ANKS1B: variants seen among roughly 807,000 people sequenced by gnomAD.
ANKS1B encodes ankyrin repeat and sterile alpha motif domain containing 1B, also known as ankyrin repeat and sterile alpha motif domain-containing protein 1B.
Under a neutral mutation model 148.3 loss-of-function variants are expected in ANKS1B, and 36 were observed. That is an observed-to-expected ratio of 0.24 (90% CI 0.19 to 0.32). The LOEUF is 0.32. Among genes scored for constraint, ANKS1B ranks in the 10% least tolerant of loss-of-function variants. The pLI is 1.00. For missense variants in ANKS1B, 1,157 were observed against 1,542.6 expected (o/e 0.75, Z 4.19); for synonymous variants, 542 against 560.8 (o/e 0.97, Z 0.47).
At chr12:99,499,692 C>A (rs868328213) in intron 10 of ANKS1B, among the ~76,000 whole-genome samples, 1 of 151,980 alleles carries the variant, frequency 6.6e-6, no homozygotes, top group African/African-American at 2.4e-5. Flanking sequence ...GAGAATAAAA[C>A]CTCCAGACCC....
rs1293043790 is a variant in ANKS1B at position 98,745,837 on chromosome 12, A to G, written c.3760T>C (p.Ser1254Pro). The G allele has an allele frequency of 6.2e-7, 1 of 1,612,918 alleles. No homozygotes were observed. Among genetic ancestry groups the G allele is most frequent in the African/African-American group, 1.3e-5 (1 of 74,804 alleles). ...SIRKSVQIDP[S>P]EQKTLANLPW... is the part of the protein sequence containing the mutation. ...AGATTGGCCAGAGTCTTTTGCTCAGATGGGTCGATCTGCTTTAAAACAGAA... is the reference window on the plus strand; with the variant it reads ...AGATTGGCCAGAGTCTTTTGCTCAGGTGGGTCGATCTGCTTTAAAACAGAA... Residue 1254 changes from serine (S) to proline (P), a missense_variant, in exon 27 of 27, where the codon TCT becomes CCT. Ser to Pro is a moderately conservative substitution (Grantham distance 74, BLOSUM62 -1). Coordinates refer to ENST00000683438, the MANE Select transcript of ANKS1B (RefSeq NM_001352186.2).
At chr12:99,590,258 C>CACACA (rs1567422900) in intron 9 of ANKS1B, among the ~76,000 whole-genome samples, 2,404 of 132,830 alleles carry the variant, frequency 0.018, 34 homozygotes, top group South Asian at 0.081. Flanking sequence ...CCACACCCAC[C>CACACA]CACACACACA....
At chr12:99,337,274 T>C (rs979953815) in intron 12 of ANKS1B, among the ~76,000 whole-genome samples, 3 of 152,060 alleles carry the variant, frequency 2.0e-5, no homozygotes, top group Admixed American at 6.6e-5. Flanking sequence ...TCAATTCTGC[T>C]GTTGAGAGAA....
intron 8 of ANKS1B, among the ~76,000 whole-genome samples, chr12:99,769,898 C>G (rs183238899): frequency 6.6e-6 from 1 of 152,194 alleles, no homozygotes; most frequent in Non-Finnish European, 1.5e-5. Context: ...TTTCTTCAGG[C>G]TGGAATCCTT....
intron 20 of ANKS1B, among the ~76,000 whole-genome samples, chr12:98,802,037 C>G (rs748290425): frequency 1.3e-5 from 2 of 152,204 alleles, no homozygotes; most frequent in Non-Finnish European, 2.9e-5. Flanking sequence ...ATATTTCTTA[C>G]TCTTTCTCCT....
chr12:98,739,931 C>T (rs1322555492), downstream of ANKS1B, among the ~76,000 whole-genome samples: 1 of 152,192 alleles, frequency 6.6e-6, no homozygotes, highest in Non-Finnish European at 1.5e-5. Context: ...TCTACCACCT[C>T]CTTCTCCTTA....
chr12:98,811,148 G>C (rs557902304), intron 19 of ANKS1B, among the ~76,000 whole-genome samples: 12 of 152,336 alleles, frequency 7.9e-5, no homozygotes, highest in African/African-American at 2.9e-4. Context: ...AGGTTCTCCT[G>C]TGTCCCCGTG....
intron 14 of ANKS1B, among the ~76,000 whole-genome samples, chr12:99,237,469 A>G (rs2088232014): frequency 6.6e-6 from 1 of 152,186 alleles, no homozygotes; most frequent in Admixed American, 6.5e-5. Context: ...ATGGCCTTCC[A>G]CTTTGGCTCT....
At chr12:99,870,672 G>A (rs1603412486) in intron 1 of ANKS1B, among the ~76,000 whole-genome samples, 1 of 152,134 alleles carries the variant, frequency 6.6e-6, no homozygotes, top group East Asian at 1.9e-4. Flanking sequence ...CTGATGATTA[G>A]TTATTTGAGC....
intron 17 of ANKS1B, among the ~76,000 whole-genome samples, chr12:98,927,471 C>T (rs569204977): frequency 3.3e-5 from 5 of 151,984 alleles, no homozygotes; most frequent in Non-Finnish European, 7.4e-5. Context: ...CACATTTTTG[C>T]TTGTAACTCT....
intron 12 of ANKS1B, among the ~76,000 whole-genome samples, chr12:99,316,707 C>T (rs1033399215): frequency 6.6e-6 from 1 of 152,116 alleles, no homozygotes; most frequent in Non-Finnish European, 1.5e-5. Flanking sequence ...GCTTTTGTTG[C>T]CATTGCTTTT....
intron 8 of ANKS1B, among the ~76,000 whole-genome samples, chr12:99,735,404 TA>T (rs2059521288): frequency 6.6e-6 from 1 of 151,850 alleles, no homozygotes; most frequent in African/African-American, 2.4e-5. Context: ...TCCAAATAAA[TA>T]AAATCAGAAA....
intron 1 of ANKS1B, among the ~76,000 whole-genome samples, chr12:99,867,623 G>A (rs899112922): frequency 6.6e-6 from 1 of 152,092 alleles, no homozygotes; most frequent in African/African-American, 2.4e-5. Context: ...CAGTATGTGG[G>A]AAACCACCCC....
At chr12:99,334,577 T>A (rs1024085854) in intron 12 of ANKS1B, among the ~76,000 whole-genome samples, 9 of 152,110 alleles carry the variant, frequency 5.9e-5, no homozygotes, top group African/African-American at 2.2e-4. Context: ...CAGTTCCAAA[T>A]GCACACCACC....
intron 12 of ANKS1B, among the ~76,000 whole-genome samples, chr12:99,267,350 ACT>A (rs143547878): frequency 8.0e-4 from 118 of 147,210 alleles, no homozygotes; most frequent in Admixed American, 1.1e-3. Context: ...TTCTCTCCTG[ACT>A]CTCTCTCTCT....
At chr12:98,903,275 C>A (rs965433375) in intron 17 of ANKS1B, among the ~76,000 whole-genome samples, 2 of 151,926 alleles carry the variant, frequency 1.3e-5, no homozygotes, top group African/African-American at 4.8e-5. Flanking sequence ...TTACTGGGGA[C>A]CCAACTCTCC....
chr12:99,948,820 C>A (rs2095140424), intron 1 of ANKS1B, among the ~76,000 whole-genome samples: 1 of 152,162 alleles, frequency 6.6e-6, no homozygotes, highest in Non-Finnish European at 1.5e-5. Flanking sequence ...AATCAGAATG[C>A]TTCAGCTAAG....
intron 14 of ANKS1B, among the ~76,000 whole-genome samples, chr12:99,234,736 C>G (rs2087557636): frequency 1.3e-5 from 2 of 151,644 alleles, no homozygotes; most frequent in Non-Finnish European, 2.9e-5. Context: ...AATAACAGAG[C>G]CAAGATTTGA....
chr12:99,199,167 C>T (rs1190392162), intron 14 of ANKS1B, among the ~76,000 whole-genome samples: 1 of 152,186 alleles, frequency 6.6e-6, no homozygotes, highest in Non-Finnish European at 1.5e-5. Flanking sequence ...AGACCTTGAA[C>T]AATAATTACT....
Sources: gnomAD v4.1 joint callset for allele counts (sites outside exome capture counted in the v4.1 genomes callset) on GRCh38, gnomAD v4.1.1 for gene constraint, MANE v1.5 for transcripts, NCBI Gene and HGNC (gene_info 2026-07-23, HGNC 2026-07-21) for gene names.